The following TET1 variants were observed in gnomAD, a reference collection of about 807,000 sequenced individuals.
TET1 encodes the protein methylcytosine dioxygenase TET1.
Under a neutral mutation model 148.7 loss-of-function variants are expected in TET1, and 13 were observed. The ratio of observed to expected loss-of-function variants is 0.09; its 90% CI spans 0.06 to 0.14. TET1 has a LOEUF of 0.14. TET1 is among the 10% of genes least tolerant of loss of function. The pLI is 1.00. For missense variants in TET1, 2,182 were observed against 2,553.8 expected (o/e 0.85, Z 3.14); for synonymous variants, 907 against 937.2 (o/e 0.97, Z 0.59).
chr10:68,622,201 C>CCTTCCTTCCTTT (rs1221209996), intron 3 of TET1, among the ~76,000 whole-genome samples: 231 of 131,392 alleles, frequency 1.8e-3, no homozygotes, highest in African/African-American at 6.5e-3. Flanking sequence ...TTCCTTCCTT[C>CCTTCCTTCCTTT]CTTCCTTCCT....
At chr10:68,624,685 TCTCTCTCTC>T (rs1564975230) in intron 3 of TET1, among the ~76,000 whole-genome samples, 115 of 131,202 alleles carry the variant, frequency 8.8e-4, no homozygotes, top group South Asian at 1.5e-3. Flanking sequence ...TCTCTCTCTC[TCTCTCTCTC>T]TCTTTCTTTC....
chr10:68,575,761 C>T (rs1052557056), intron 2 of TET1, among the ~76,000 whole-genome samples: 1 of 151,640 alleles, frequency 6.6e-6, no homozygotes, highest in East Asian at 1.9e-4. Flanking sequence ...GTGGCTCACA[C>T]CTGTAATCCC....
intron 3 of TET1, among the ~76,000 whole-genome samples, chr10:68,624,638 TTCTTTCTTTCTTTCTTTCTTTCTCTCTC>T (rs1212252995): frequency 4.2e-5 from 2 of 47,176 alleles, no homozygotes; most frequent in African/African-American, 2.5e-4. Flanking sequence ...CTTTCTTTCT[TTCTTTCTTTCTTTCTTTCTTTCTCTCTC>T]TCTCTCTCTC....
chr10:68,686,019 A>G (rs1466734182), intron 10 of TET1, among the ~76,000 whole-genome samples: 2 of 152,186 alleles, frequency 1.3e-5, no homozygotes, highest in African/African-American at 4.8e-5. Flanking sequence ...AACACAATAA[A>G]CATAGTTCAA....
intron 1 of TET1, among the ~76,000 whole-genome samples, chr10:68,562,489 C>T (rs1225502750): frequency 2.0e-5 from 3 of 152,126 alleles, no homozygotes; most frequent in African/African-American, 4.8e-5. Context: ...ATTGATCATA[C>T]GGGTCCCCCT....
chr10:68,675,886 G>A (rs552771946), intron 8 of TET1, among the ~76,000 whole-genome samples: 67 of 151,984 alleles, frequency 4.4e-4, no homozygotes, highest in African/African-American at 1.4e-3. Context: ...ATGGAGTTTC[G>A]CTCTTATTGC....
At chr10:68,640,745 A>T (rs7100742) in intron 3 of TET1, among the ~76,000 whole-genome samples, 2 of 149,170 alleles carry the variant, frequency 1.3e-5, no homozygotes, top group South Asian at 2.1e-4. Flanking sequence ...TAGAGATGGG[A>T]TTTCACCATG....
intron 3 of TET1, among the ~76,000 whole-genome samples, chr10:68,629,323 C>G (rs2133017604): frequency 6.6e-6 from 1 of 151,840 alleles, no homozygotes; most frequent in South Asian, 2.1e-4. Flanking sequence ...CGAGATTGTG[C>G]CACTGCACTC....
At chr10:68,624,624 CTTTCTTTCTTTCTTTCTTTCTTTCTT>C (rs1437204617) in intron 3 of TET1, among the ~76,000 whole-genome samples, 51 of 36,056 alleles carry the variant, frequency 1.4e-3, no homozygotes, top group African/African-American at 8.0e-3. Flanking sequence ...TTCTTTCTTT[CTTTCTTTCTTTCTTTCTTTCTTTCTT>C]TCTTTCTTTC....
rs2053700700 is a variant in TET1 at position 68,573,963 on chromosome 10, A to T, written c.1625A>T (p.Asp542Val). The T allele has an allele frequency of 6.2e-7, 1 of 1,614,094 alleles. No individual in the cohort carries two copies. Among genetic ancestry groups the T allele is most frequent in the Non-Finnish European group, 8.5e-7 (1 of 1,180,050 alleles). Residue 542 changes from aspartate (D) to valine (V), a missense_variant, in exon 2 of 12, where the codon GAC (aspartate) becomes GTC (valine). Coordinates refer to ENST00000373644, the MANE Select transcript of TET1 (RefSeq NM_030625.3). ...QLSQAGPSKSDRGSSQVSVTS... is the reference protein window; with the variant it reads ...QLSQAGPSKSVRGSSQVSVTS... Reference sequence around the variant, plus strand: ...TCTCAGGCTGGTCCTAGCAAATCAGACAGAGGGAGCTCCCAGGTCAGTGTA... The same window carrying T: ...TCTCAGGCTGGTCCTAGCAAATCAGTCAGAGGGAGCTCCCAGGTCAGTGTA...
chr10:68,588,574 G>C (rs1266435318), intron 2 of TET1, among the ~76,000 whole-genome samples: 3 of 152,122 alleles, frequency 2.0e-5, no homozygotes, highest in Non-Finnish European at 2.9e-5. Flanking sequence ...AGGTGGACTG[G>C]TTGAGGAATA....
In TET1 at chr10:68,690,933, G is replaced by A. The variant is rs2133248527; in HGVS notation, c.5530G>A (p.Ala1844Thr). The A allele has an allele frequency of 6.2e-7, 1 of 1,614,158 alleles. No homozygotes were observed. The highest frequency in any genetic ancestry group is 8.5e-7 in the Non-Finnish European group (1 of 1,180,038). Reference sequence around the variant, plus strand: ...ATCCGCTCCTCACCCAGTGAAAGAGGCATCTCCAGGCTTCTCCTGGTCCCC... The same window carrying A: ...ATCCGCTCCTCACCCAGTGAAAGAGACATCTCCAGGCTTCTCCTGGTCCCC... ...MPSAPHPVKE[A>T]SPGFSWSPKT... Residue 1844 changes from alanine to threonine, a missense_variant, in exon 12 of 12, where the codon GCA becomes ACA. Coordinates refer to ENST00000373644, the MANE Select transcript of TET1 (RefSeq NM_030625.3).
chr10:68,674,378 G>A (rs1436506368), intron 8 of TET1: 1 of 252,462 alleles, frequency 4.0e-6, no homozygotes, highest in Non-Finnish European at 7.7e-6. Flanking sequence ...AGAAGAAAGT[G>A]CTTGATCCAT....
chr10:68,673,908 A>AT (rs576436248), intron 8 of TET1, among the ~76,000 whole-genome samples: 37 of 121,736 alleles, frequency 3.0e-4, no homozygotes, highest in Admixed American at 1.5e-3. Context: ...ATGATACATC[A>AT]TTTTTTTATC....
chr10:68,620,684 A>C (rs1387040563), intron 3 of TET1, among the ~76,000 whole-genome samples: 1 of 152,012 alleles, frequency 6.6e-6, no homozygotes, highest in Non-Finnish European at 1.5e-5. Context: ...TCTTGGGTAC[A>C]TACCAAGAAG....
In TET1 at chr10:68,611,414, C is replaced by T. The variant is rs115152050; in HGVS notation, c.1968+10380C>T. ...ATTGCTTGAACTATGGAGCTCAAGA[C>T]CGTGGTATGCTATGAGAGCTCCTGT... On this transcript the variant is annotated intron_variant, in intron 3 of 11. Transcript: ENST00000373644. Among the ~76,000 whole-genome samples the T allele has an allele frequency of 6.0e-3, 918 of 152,006 alleles. 13 individuals carry two copies. Among genetic ancestry groups the T allele is most frequent in the African/African-American group, 0.021 (872 of 41,464 alleles).
chr10:68,633,947 C>G (rs1002666350), intron 3 of TET1, among the ~76,000 whole-genome samples: 1 of 152,208 alleles, frequency 6.6e-6, no homozygotes, highest in African/African-American at 2.4e-5. Flanking sequence ...GAAACAGTCT[C>G]ACTCTCAGCT....
intron 3 of TET1, among the ~76,000 whole-genome samples, chr10:68,626,903 G>A (rs564872732): frequency 2.0e-5 from 3 of 152,108 alleles, no homozygotes; most frequent in African/African-American, 7.2e-5. Flanking sequence ...TTCTATCGCC[G>A]AGGTTTAAAC....
Position 68,691,163 on chromosome 10 carries a change from C to T in TET1, c.5760C>T (p.Pro1920=), listed in dbSNP as rs373509353. 1.3e-5 allele frequency: 21 copies of T among 1,614,000 alleles called. No individual in the cohort carries two copies. Among genetic ancestry groups the T allele is most frequent in the Non-Finnish European group, 1.8e-5 (21 of 1,180,036 alleles). ...CCCTGTCTGCTCCTGTGATGGAGCC[C>T]CTCATTAATTCTGAGCCTTCCACTG... is the stretch of plus-strand genomic sequence containing the variant. ...LPTLSAPVME[P]LINSEPSTGV... Residue 1920 remains proline, a synonymous_variant, in exon 12 of 12, where the codon CCC becomes CCT. Coordinates refer to ENST00000373644, the MANE Select transcript of TET1 (RefSeq NM_030625.3). This position sits in a 1 kb window ranked among gnomAD's most constrained non-coding sequence, Gnocchi z 4.4.
Sources: allele counts gnomAD v4.1 joint callset (sites outside exome capture counted in the v4.1 genomes callset), GRCh38; gene constraint gnomAD v4.1.1; non-coding constraint Gnocchi (gnomAD v3.1); transcripts MANE v1.5; gene names NCBI Gene and HGNC (gene_info 2026-07-23, HGNC 2026-07-21).